CYFIP2: variants seen among roughly 807,000 people sequenced by gnomAD.
CYFIP2 encodes cytoplasmic FMR1 interacting protein 2, also known as cytoplasmic FMR1-interacting protein 2.
In CYFIP2, 29 loss-of-function variants were observed where a neutral mutation model predicts 158.7. That is an observed-to-expected ratio of 0.18 (90% confidence interval 0.14 to 0.25). The LOEUF (loss-of-function observed/expected upper bound fraction) is 0.25. Among genes scored for constraint, CYFIP2 ranks in the 10% least tolerant of loss-of-function variants. The pLI, the probability that CYFIP2 is intolerant of heterozygous loss-of-function variation, is 1.00. For synonymous variants in CYFIP2, 585 were observed against 617.6 expected, an observed-to-expected ratio of 0.95 and a Z score of 0.78; for missense variants, 852 against 1,639.5, an observed-to-expected ratio of 0.52 and a Z score of 8.29.
chr5:157,350,495 T>G (rs1762991984), intron 23 of CYFIP2, among the ~76,000 whole-genome samples: 1 of 152,270 alleles, frequency 6.6e-6, no homozygotes. Flanking sequence ...TATGCCATTT[T>G]AATGACATTA....
chr5:157,322,156 A>G (rs992967642), intron 15 of CYFIP2, among the ~76,000 whole-genome samples: 2 of 152,130 alleles, frequency 1.3e-5, no homozygotes, highest in Non-Finnish European at 2.9e-5. Flanking sequence ...CTCGTAGACA[A>G]CCAGAGCTGG....
chr5:157,366,962 G>A (rs1023256232), intron 26 of CYFIP2, among the ~76,000 whole-genome samples: 9 of 152,202 alleles, frequency 5.9e-5, no homozygotes, highest in South Asian at 4.1e-4. Flanking sequence ...TGAGTCCCCC[G>A]GGAAGGACAG....
rs763631624 is a variant in CYFIP2, at chr5:157,296,737, C to A, written c.350C>A (p.Pro117Gln). 1.9e-6 allele frequency: 3 copies of A among 1,613,634 alleles called. No homozygotes were observed. The highest frequency in any genetic ancestry group is 2.5e-6 in the Non-Finnish European group (3 of 1,179,748). ...IYEKTVEVLE[P>Q]EVTKLMKFMY... is the part of the protein sequence containing the mutation. Reference sequence around the variant, plus strand: ...GAGAAGACAGTAGAGGTGCTGGAGCCGGAGGTCACCAAGCTCATGAAGTTC... The same window carrying A: ...GAGAAGACAGTAGAGGTGCTGGAGCAGGAGGTCACCAAGCTCATGAAGTTC... Residue 117 changes from proline to glutamine, a missense_variant, in exon 5 of 31, where the codon CCG (proline) becomes CAG (glutamine). By Grantham distance (76) the Pro-to-Gln change is moderately conservative. Transcript: ENST00000620254.
chr5:157,383,393 A>G, intron 28 of CYFIP2, 34 bp downstream of exon 28: 1 of 1,573,926 alleles, frequency 6.4e-7, no homozygotes, highest in Non-Finnish European at 8.7e-7. Context: ...GGCTCTGATC[A>G]CTGACAGGAA....
intron 21 of CYFIP2, 66 bp downstream of exon 21, chr5:157,333,512 A>T (rs1761635567): frequency 6.2e-7 from 1 of 1,609,852 alleles, no homozygotes; most frequent in Non-Finnish European, 8.5e-7. Context: ...CTAGATGGGG[A>T]CTGTAGTTAG....
At chr5:157,279,731 A>C (rs10037891) in intron 1 of CYFIP2, among the ~76,000 whole-genome samples, 4,505 of 152,330 alleles carry the variant, frequency 0.03, 229 homozygotes, top group African/African-American at 0.1. Context: ...CTCCCAGAAC[A>C]CTGTTAACTT....
At chr5:157,353,325 T>G (rs1763196753) in intron 23 of CYFIP2, among the ~76,000 whole-genome samples, 1 of 152,216 alleles carries the variant, frequency 6.6e-6, no homozygotes, top group Non-Finnish European at 1.5e-5. Context: ...ATGTGATCTC[T>G]CAGCTGGAAG....
chr5:157,309,729 T>G lies in CYFIP2; in HGVS notation c.901-14T>G, dbSNP rs779459632. 6.3e-7 allele frequency: 1 copy of G among 1,591,516 alleles called. No individual in the cohort carries two copies. Among genetic ancestry groups the G allele is most frequent in the Non-Finnish European group, 8.6e-7 (1 of 1,168,910 alleles). The stretch of plus-strand genomic sequence containing the variant: ...TCCTCAGCATCTCACGAGCTGTGTT[T>G]GCTTCCTTTGCAGCAGCTGCAGGTG... On this transcript the variant is annotated splice_polypyrimidine_tract_variant and intron_variant, in intron 9 of 30. Transcript: ENST00000620254.
intron 9 of CYFIP2, among the ~76,000 whole-genome samples, chr5:157,308,754 A>G (rs1212614039): frequency 3.3e-5 from 5 of 152,146 alleles, no homozygotes; most frequent in Admixed American, 3.3e-4. Context: ...ACTTTTCTCT[A>G]GAGTTGCCCC....
At position 157,304,373 on chromosome 5, in the gene CYFIP2, C is replaced by T. The variant is rs756494782; in HGVS notation, c.795+7C>T. ...GAAACATATGCTCCTCAAGGTAAAACTCCCCTGAGGCCGCACCCATGGAGC... is the reference window on the plus strand; with the variant it reads ...GAAACATATGCTCCTCAAGGTAAAATTCCCCTGAGGCCGCACCCATGGAGC... On this transcript the variant is annotated splice_region_variant and intron_variant, in intron 8 of 30. Coordinates refer to ENST00000620254, the MANE Select transcript of CYFIP2 (RefSeq NM_001037333.3). The T allele has an allele frequency of 6.2e-7, 1 of 1,612,540 alleles. No homozygotes were observed. Among genetic ancestry groups the T allele is most frequent in the South Asian group, 1.1e-5 (1 of 91,014 alleles).
chr5:157,385,484 C>T (rs1766583565), intron 28 of CYFIP2, among the ~76,000 whole-genome samples: 1 of 152,090 alleles, frequency 6.6e-6, no homozygotes, highest in Admixed American at 6.5e-5. Flanking sequence ...ATATTTAAAG[C>T]CGGGAAGCTT....
At chr5:157,369,449 C>T (rs1325273101) in intron 26 of CYFIP2, among the ~76,000 whole-genome samples, 1 of 152,194 alleles carries the variant, frequency 6.6e-6, no homozygotes, top group Non-Finnish European at 1.5e-5. Flanking sequence ...CAACACCTAA[C>T]ACAAGGCTCA....
chr5:157,277,571 A>G (rs1375953449), intron 1 of CYFIP2, among the ~76,000 whole-genome samples: 1 of 152,172 alleles, frequency 6.6e-6, no homozygotes, highest in African/African-American at 2.4e-5. Context: ...CTGCATTTTC[A>G]GTGATAGGTA....
chr5:157,391,463 C>T (rs1341890746), intron 30 of CYFIP2, among the ~76,000 whole-genome samples: 3 of 152,156 alleles, frequency 2.0e-5, no homozygotes, highest in Non-Finnish European at 4.4e-5. Context: ...TTCTCCCCAG[C>T]CCCTGGTAAC....
chr5:157,364,086 C>T (rs969326445), intron 26 of CYFIP2: 1 of 151,560 alleles, frequency 6.6e-6, no homozygotes, highest in Non-Finnish European at 1.5e-5. Flanking sequence ...AAGTTTTTTA[C>T]ACAGATCAGC....
At position 157,367,903 on chromosome 5, in the gene CYFIP2, C is replaced by A. The variant is rs149365440; in HGVS notation, c.3039+6305C>A. On this transcript the variant is annotated intron_variant, in intron 26 of 30. Transcript: ENST00000620254. ...CTAAGTAGCTGGGATTACAGGCATG[C>A]ACCACCACACCCAGCTAATTTTTGT... 6.4e-3 allele frequency among the ~76,000 whole-genome samples: 972 copies of A among 151,996 alleles called. 13 individuals are homozygous for A. The highest frequency in any genetic ancestry group is 0.022 in the African/African-American group (914 of 41,440).
intron 23 of CYFIP2, among the ~76,000 whole-genome samples, chr5:157,349,387 C>T (rs1461942176): frequency 2.0e-5 from 3 of 152,146 alleles, no homozygotes; most frequent in East Asian, 1.9e-4. Flanking sequence ...TTTCCATTCC[C>T]GAGTTACTTG....
chr5:157,285,396 C>G lies in CYFIP2; in HGVS notation c.35C>G (p.Ser12Cys). The G allele has an allele frequency of 6.3e-7, 1 of 1,578,540 alleles. No homozygotes were observed. Among genetic ancestry groups the G allele is most frequent in the Non-Finnish European group, 8.6e-7 (1 of 1,162,428 alleles). Residue 12 changes from serine (S) to cysteine (C), a missense_variant, in exon 2 of 31, where the codon TCC becomes TGC. By Grantham distance (112) the Ser-to-Cys change is moderately radical. Coordinates refer to ENST00000620254, the MANE Select transcript of CYFIP2 (RefSeq NM_001037333.3). ...CACGTCACCCTGGAAGATGCCCTGTCCAACGTGGACCTGCTTGAAGAGCTT... is the reference window on the plus strand; with the variant it reads ...CACGTCACCCTGGAAGATGCCCTGTGCAACGTGGACCTGCTTGAAGAGCTT... ...TTHVTLEDAL[S>C]NVDLLEELPL...
chr5:157,299,265 T>C (rs1758528166), intron 5 of CYFIP2, among the ~76,000 whole-genome samples: 2 of 152,182 alleles, frequency 1.3e-5, no homozygotes, highest in African/African-American at 4.8e-5. Flanking sequence ...TGTCCAAGTC[T>C]GAGCCCTCAC....
Sources: gnomAD v4.1 joint callset for allele counts (sites outside exome capture counted in the v4.1 genomes callset) on GRCh38, gnomAD v4.1.1 for gene constraint, MANE v1.5 for transcripts, NCBI Gene and HGNC (gene_info 2026-07-23, HGNC 2026-07-21) for gene names.